PIK3CB: variants seen among roughly 807,000 people sequenced by gnomAD.
PIK3CB encodes phosphatidylinositol-4,5-bisphosphate 3-kinase catalytic subunit beta, also known as phosphatidylinositol 4,5-bisphosphate 3-kinase catalytic subunit beta isoform.
Under a neutral mutation model 136.8 loss-of-function variants are expected in PIK3CB, and 39 were observed. That is an observed-to-expected ratio of 0.29 (90% CI 0.22 to 0.37). PIK3CB has a LOEUF of 0.37. PIK3CB is among the 10% of genes least tolerant of loss of function. PIK3CB has a pLI of 1.00. For synonymous variants in PIK3CB, 428 were observed against 436.6 expected (o/e 0.98, Z 0.25); for missense variants, 868 against 1,275.4 (o/e 0.68, Z 4.87).
chr3:138,830,810 G>A (rs952346602), intron 1 of PIK3CB, among the ~76,000 whole-genome samples: 15 of 151,284 alleles, frequency 9.9e-5, no homozygotes, highest in African/African-American at 3.4e-4. Context: ...GCTGAGGCAG[G>A]AGAATGGCGT....
At chr3:138,744,619 C>A (rs73866219) in intron 4 of PIK3CB, among the ~76,000 whole-genome samples, 1,902 of 152,110 alleles carry the variant, frequency 0.013, 41 homozygotes, top group African/African-American at 0.042. Flanking sequence ...GACTTCTTTG[C>A]TTTTTCTTTT....
chr3:138,745,624 C>A (rs1234593939), intron 4 of PIK3CB, among the ~76,000 whole-genome samples: 1 of 150,490 alleles, frequency 6.6e-6, no homozygotes, highest in African/African-American at 2.4e-5. Flanking sequence ...TGAAGTGAGA[C>A]CCCATCTCAA....
At chr3:138,783,338 G>A in intron 2 of PIK3CB, among the ~76,000 whole-genome samples, 1 of 150,566 alleles carries the variant, frequency 6.6e-6, no homozygotes, top group Non-Finnish European at 1.5e-5. Flanking sequence ...CTGGAATGCA[G>A]TAGTGTAATC....
At chr3:138,743,332 T>C (rs961266383) in intron 4 of PIK3CB, among the ~76,000 whole-genome samples, 1 of 152,206 alleles carries the variant, frequency 6.6e-6, no homozygotes, top group Non-Finnish European at 1.5e-5. Context: ...AAACTGTTCA[T>C]AGTCTTTAAA....
chr3:138,792,941 C>T (rs898734735), intron 2 of PIK3CB, among the ~76,000 whole-genome samples: 6 of 152,116 alleles, frequency 3.9e-5, no homozygotes, highest in Admixed American at 3.9e-4. Flanking sequence ...CCACACCCAG[C>T]TAAGTGTAGG....
At chr3:138,720,280 T>C (rs1346093516) in intron 8 of PIK3CB, among the ~76,000 whole-genome samples, 1 of 152,152 alleles carries the variant, frequency 6.6e-6, no homozygotes, top group South Asian at 2.1e-4. Context: ...AATTATTACA[T>C]CTCAGTTTCC....
chr3:138,664,117 T>C (rs2043357058), intron 20 of PIK3CB, 88 bp from the exon 21 acceptor site: 10 of 1,470,670 alleles, frequency 6.8e-6, no homozygotes, highest in South Asian at 1.2e-5. Flanking sequence ...TGTTTCCTTT[T>C]TAATTGTGAG....
At chr3:138,681,629 T>C (rs982426729) in intron 19 of PIK3CB, among the ~76,000 whole-genome samples, 6 of 152,166 alleles carry the variant, frequency 3.9e-5, no homozygotes, top group African/African-American at 1.2e-4. Flanking sequence ...GGACTAAGTA[T>C]AAAAAGGCAC....
At chr3:138,781,161 G>A (rs1010848299) in intron 2 of PIK3CB, among the ~76,000 whole-genome samples, 11 of 152,020 alleles carry the variant, frequency 7.2e-5, no homozygotes, top group African/African-American at 2.4e-4. Context: ...GCATGGTGGT[G>A]CTCACCTGCA....
intron 14 of PIK3CB, among the ~76,000 whole-genome samples, chr3:138,693,588 TG>T (rs2044056391): frequency 6.6e-6 from 1 of 150,700 alleles, no homozygotes; most frequent in Non-Finnish European, 1.5e-5. Context: ...TTAGTAGAGA[TG>T]GGGTTTCACC....
chr3:138,819,571 C>T (rs1456614610), intron 1 of PIK3CB, among the ~76,000 whole-genome samples: 2 of 152,094 alleles, frequency 1.3e-5, no homozygotes, highest in African/African-American at 4.8e-5. Context: ...TCAACCTGGG[C>T]TATACATTAG....
chr3:138,818,055 G>A (rs139455010), intron 1 of PIK3CB, among the ~76,000 whole-genome samples: 10 of 152,342 alleles, frequency 6.6e-5, no homozygotes, highest in Non-Finnish European at 1.3e-4. Flanking sequence ...AGGAGGCTGA[G>A]GTGGGAGCTA....
intron 1 of PIK3CB, among the ~76,000 whole-genome samples, chr3:138,828,856 T>C (rs945107977): frequency 2.6e-5 from 4 of 151,894 alleles, no homozygotes; most frequent in African/African-American, 2.4e-5. Flanking sequence ...TGGTGCACCT[T>C]GGCTCACTGC....
At chr3:138,676,779 A>G (rs1030974345) in intron 19 of PIK3CB, among the ~76,000 whole-genome samples, 2 of 152,170 alleles carry the variant, frequency 1.3e-5, no homozygotes, top group Non-Finnish European at 2.9e-5. Context: ...TTTATATAAA[A>G]TGTCCAAAAA....
At chr3:138,827,612 G>A (rs1036515799) in intron 1 of PIK3CB, among the ~76,000 whole-genome samples, 1 of 151,856 alleles carries the variant, frequency 6.6e-6, no homozygotes, top group Non-Finnish European at 1.5e-5. Flanking sequence ...ACAGCAGTTC[G>A]AGGTTACGGT....
intron 14 of PIK3CB, 68 bp downstream of exon 14, chr3:138,694,718 G>A: frequency 6.6e-7 from 1 of 1,522,240 alleles, no homozygotes; most frequent in Non-Finnish European, 9.0e-7. Context: ...AGACATCAAG[G>A]AGACACCCTC....
intron 17 of PIK3CB, among the ~76,000 whole-genome samples, chr3:138,684,133 T>C (rs1035535833): frequency 1.3e-5 from 2 of 152,228 alleles, no homozygotes; most frequent in African/African-American, 4.8e-5. Context: ...TAGAACTATT[T>C]TGAGACCATT....
chr3:138,703,557 T>C (rs1047597828), intron 12 of PIK3CB, among the ~76,000 whole-genome samples: 6 of 151,440 alleles, frequency 4.0e-5, no homozygotes, highest in Admixed American at 3.3e-4. Flanking sequence ...TATTTATATA[T>C]ATATATGTAG....
At chr3:138,683,045 A>G (rs2043811895) in intron 18 of PIK3CB, among the ~76,000 whole-genome samples, 2 of 152,212 alleles carry the variant, frequency 1.3e-5, no homozygotes, top group Non-Finnish European at 2.9e-5. Flanking sequence ...AACAAGATGT[A>G]TGAATATATT....
Sources: allele counts gnomAD v4.1 joint callset (sites outside exome capture counted in the v4.1 genomes callset), GRCh38; gene constraint gnomAD v4.1.1; transcripts MANE v1.5; gene names NCBI Gene and HGNC (gene_info 2026-07-23, HGNC 2026-07-21).